PLD5: variants seen among roughly 807,000 people sequenced by gnomAD.
The protein encoded by PLD5 is phospholipase D family member 5, also known as inactive phospholipase D5.
In PLD5, 36 loss-of-function variants were observed where a neutral mutation model predicts 61.1. The observed-to-expected ratio is 0.59, with a 90% CI of 0.45 to 0.78. The LOEUF (loss-of-function observed/expected upper bound fraction) is 0.78, where lower values mean the gene tolerates loss of function less well. Ranked by LOEUF, PLD5 falls within the 30% of genes least tolerant of loss-of-function variation. The pLI is 0.00. For missense variants in PLD5, 515 were observed against 644.4 expected, an observed-to-expected ratio of 0.80 and a Z score of 2.17; for synonymous variants, 243 against 242.8, an observed-to-expected ratio of 1.00 and a Z score of -0.01.
At chr1:242,362,651 A>T (rs1237337973) in intron 1 of PLD5, among the ~76,000 whole-genome samples, 1 of 152,148 alleles carries the variant, frequency 6.6e-6, no homozygotes, top group Non-Finnish European at 1.5e-5. Context: ...AAATTTCTGG[A>T]TAATGACTAC....
At position 242,519,043 on chromosome 1, in the gene PLD5, G is replaced by A. The variant is rs558369848; in HGVS notation, c.189+5045C>T. 2.6e-4 allele frequency among the ~76,000 whole-genome samples: 39 copies of A among 152,160 alleles called. 1 individual carries two copies. The highest frequency in any genetic ancestry group is 2.6e-3 in the Admixed American group (39 of 15,274). The stretch of plus-strand genomic sequence containing the variant: ...TTGTCTGTGTTGTTTATCTAAAACC[G>A]CAGGAAATGATCCCAGTAAATGTTA... On this transcript the variant is annotated intron_variant, in intron 1 of 9. Transcript: ENST00000536534.
chr1:242,459,655 T>C (rs1262341742), intron 1 of PLD5, among the ~76,000 whole-genome samples: 1 of 152,086 alleles, frequency 6.6e-6, no homozygotes, highest in Non-Finnish European at 1.5e-5. Flanking sequence ...GCACGCAGGA[T>C]TGTGTAAAGA....
chr1:242,275,730 C>A (rs1210052202), intron 3 of PLD5, among the ~76,000 whole-genome samples: 2 of 152,022 alleles, frequency 1.3e-5, no homozygotes, highest in Non-Finnish European at 2.9e-5. Context: ...GGGAAAGTTC[C>A]CCAAAGAAAG....
chr1:242,247,222 T>C (rs572008039), intron 4 of PLD5, among the ~76,000 whole-genome samples: 1 of 152,292 alleles, frequency 6.6e-6, no homozygotes, highest in South Asian at 2.1e-4. Flanking sequence ...GACCTCGTGA[T>C]CCGCCCGCCT....
At position 242,457,829 on chromosome 1, in the gene PLD5, A is replaced by G. The variant is rs565372308; in HGVS notation, c.189+66259T>C. ...CACTCCACAGACTGTTAAAAACTAT[A>G]CATATTGGGCCTATATTCCTTTTCC... On this transcript the variant is annotated intron_variant, in intron 1 of 9. Transcript: ENST00000536534. Among the ~76,000 whole-genome samples, 282 of 152,200 alleles carry G rather than the reference A, an allele frequency of 1.9e-3. 2 individuals are homozygous for G. The highest frequency in any genetic ancestry group is 6.6e-3 in the African/African-American group (272 of 41,516).
chr1:242,113,049 G>C (rs1389298077), intron 7 of PLD5, among the ~76,000 whole-genome samples: 2 of 148,366 alleles, frequency 1.3e-5, no homozygotes, highest in East Asian at 4.0e-4. Context: ...GATTGACTGA[G>C]AACATAGATA....
intron 1 of PLD5, among the ~76,000 whole-genome samples, chr1:242,356,619 GTTAC>G (rs1660765825): frequency 6.6e-6 from 1 of 151,604 alleles, no homozygotes; most frequent in Non-Finnish European, 1.5e-5. Context: ...TTGTTTTGTA[GTTAC>G]TTTCTTTCTT....
chr1:242,270,864 G>A (rs1674023241), intron 3 of PLD5, among the ~76,000 whole-genome samples: 1 of 152,118 alleles, frequency 6.6e-6, no homozygotes, highest in Admixed American at 6.5e-5. Context: ...TCCTTCACCT[G>A]AAGGATGGAA....
At chr1:242,113,035 G>A (rs115752980) in intron 7 of PLD5, among the ~76,000 whole-genome samples, 2,427 of 151,316 alleles carry the variant, frequency 0.016, 64 homozygotes, top group African/African-American at 0.056. Flanking sequence ...CACAGAGAGG[G>A]ATGGATTGAC....
chr1:242,170,024 C>T (rs1666629601), intron 5 of PLD5, among the ~76,000 whole-genome samples: 1 of 152,214 alleles, frequency 6.6e-6, no homozygotes, highest in Admixed American at 6.5e-5. Flanking sequence ...GACTTAAACG[C>T]CCCTGCCCAA....
At chr1:242,398,593 A>G (rs572468153) in intron 1 of PLD5, among the ~76,000 whole-genome samples, 1 of 152,222 alleles carries the variant, frequency 6.6e-6, no homozygotes, top group African/African-American at 2.4e-5. Flanking sequence ...ACCACGGTTT[A>G]GTGGAAAAAA....
intron 5 of PLD5, among the ~76,000 whole-genome samples, chr1:242,127,144 A>C (rs1458884779): frequency 1.3e-5 from 2 of 151,614 alleles, no homozygotes; most frequent in Admixed American, 1.3e-4. Context: ...ATCAAAAAAT[A>C]AAAAAATAAT....
At chr1:242,196,711 A>C (rs1034471224) in intron 5 of PLD5, among the ~76,000 whole-genome samples, 1 of 152,188 alleles carries the variant, frequency 6.6e-6, no homozygotes, top group African/African-American at 2.4e-5. Flanking sequence ...AAAGAAATAC[A>C]TTTAAGCAAT....
At chr1:242,320,304 A>G (rs1658306006) in intron 2 of PLD5, among the ~76,000 whole-genome samples, 1 of 152,196 alleles carries the variant, frequency 6.6e-6, no homozygotes, top group African/African-American at 2.4e-5. Flanking sequence ...ACTTGTAGAC[A>G]TTTTTCTGAC....
chr1:242,310,553 C>A (rs1168398336), intron 2 of PLD5, among the ~76,000 whole-genome samples: 28 of 151,906 alleles, frequency 1.8e-4, no homozygotes, highest in Admixed American at 1.8e-3. Context: ...TTTCTTGCAC[C>A]AAGATAAGGA....
intron 9 of PLD5, among the ~76,000 whole-genome samples, chr1:242,093,239 T>C (rs1183727001): frequency 6.6e-6 from 1 of 152,142 alleles, no homozygotes; most frequent in East Asian, 1.9e-4. Flanking sequence ...CAGTGCCAGG[T>C]AAATACAGGA....
chr1:242,355,741 C>G (rs1378498992), intron 1 of PLD5, among the ~76,000 whole-genome samples: 1 of 152,098 alleles, frequency 6.6e-6, no homozygotes, highest in African/African-American at 2.4e-5. Flanking sequence ...TTGCTACAGA[C>G]TCACCCCTCA....
chr1:242,402,416 A>G (rs1323518414), intron 1 of PLD5, among the ~76,000 whole-genome samples: 2 of 152,244 alleles, frequency 1.3e-5, no homozygotes, highest in African/African-American at 4.8e-5. Flanking sequence ...AGTTATAAGG[A>G]AAATGATTAT....
chr1:242,253,207 C>T lies in PLD5; in HGVS notation c.607+12130G>A, dbSNP rs1381653835. On this transcript the variant is annotated intron_variant, in intron 4 of 9. Coordinates refer to ENST00000536534, the MANE Select transcript of PLD5 (RefSeq NM_001372062.1). ...ATCATAGCTCACCGATCACAGCTCA[C>T]TGCAGGGTGGAACTCCTGAGCTCAA... 1.4e-4 allele frequency among the ~76,000 whole-genome samples: 21 copies of T among 146,408 alleles called. 1 individual carries two copies. Among genetic ancestry groups the T allele is most frequent in the African/African-American group, 4.8e-4 (19 of 39,656 alleles).
Sources: gnomAD v4.1 joint callset for allele counts (sites outside exome capture counted in the v4.1 genomes callset) on GRCh38, gnomAD v4.1.1 for gene constraint, MANE v1.5 for transcripts, NCBI Gene and HGNC (gene_info 2026-07-23, HGNC 2026-07-21) for gene names.